Variants in ZIM2 observed in about 807,000 individuals in gnomAD.
The protein encoded by ZIM2 is zinc finger protein 656.
ZIM2 carries 14 observed loss-of-function variants against 38.6 expected under a neutral mutation model. The observed-to-expected ratio is 0.36, with a 90% confidence interval of 0.24 to 0.57. The LOEUF is 0.57. Ranked by LOEUF, ZIM2 falls within the 20% of genes least tolerant of loss-of-function variation. ZIM2 has a pLI of 0.81. For missense variants in ZIM2, 680 were observed against 695.1 expected (o/e 0.98, Z 0.24); for synonymous variants, 247 against 245.8 (o/e 1.00, Z -0.04).
intron 11 of ZIM2, 94 bp downstream of exon 11, chr19:56,781,859 G>T: frequency 6.8e-7 from 1 of 1,474,528 alleles, no homozygotes; most frequent in Non-Finnish European, 9.1e-7. Context: ...TCACTGACAT[G>T]GTGAACCACC....
At chr19:56,784,601 C>T (rs2046499997) in intron 10 of ZIM2, among the ~76,000 whole-genome samples, 1 of 152,100 alleles carries the variant, frequency 6.6e-6, no homozygotes, top group African/African-American at 2.4e-5. Flanking sequence ...ATTGACCCTC[C>T]TTTCTTTTTT....
In ZIM2 at chr19:56,775,105, A is replaced by G. The variant is rs760287695; in HGVS notation, c.1260T>C (p.Gly420=). The G allele has an allele frequency of 6.2e-7, 1 of 1,614,068 alleles. No individual in the cohort carries two copies. The highest frequency in any genetic ancestry group is 1.1e-5 in the South Asian group (1 of 91,070). The part of the protein sequence containing the change: ...SGRKTSGCNE[G]RKPSVQCANL... ...TCGCACACTGGACGGAAGGCTTTCTACCTTCATTGCAGCCAGAAGTCTTCC... is the reference window on the plus strand; with the variant it reads ...TCGCACACTGGACGGAAGGCTTTCTGCCTTCATTGCAGCCAGAAGTCTTCC... Residue 420 remains glycine (G), a synonymous_variant, in exon 13 of 13, where the codon GGT becomes GGC. Transcript: ENST00000629319.
rs116982712 is a variant in ZIM2 at position 56,789,123 on chromosome 19, A to G, written c.570+749T>C. ...TCCTTTAGCTTGGAGGAGTTTGGAT[A>G]AACAACAGTTTTTTACATAAGTATG... On this transcript the variant is annotated intron_variant, in intron 10 of 12. Coordinates refer to ENST00000629319, the MANE Select transcript of ZIM2 (RefSeq NM_001387356.1). Among the ~76,000 whole-genome samples, 351 of 152,176 alleles carry G rather than the reference A, an allele frequency of 2.3e-3. 8 individuals carry two copies. Among genetic ancestry groups the G allele is most frequent in the East Asian group, 8.9e-3 (46 of 5,170 alleles).
At chr19:56,816,590 G>A in intron 9 of ZIM2, 1 of 1,613,932 alleles carries the variant, frequency 6.2e-7, no homozygotes, top group South Asian at 1.1e-5. Context: ...TACATTTTCT[G>A]AAACTCATTA....
At chr19:56,839,434 C>A (rs2062690415) in intron 1 of ZIM2, among the ~76,000 whole-genome samples, 1 of 150,120 alleles carries the variant, frequency 6.7e-6, no homozygotes, top group Admixed American at 6.6e-5. Context: ...AGGGCCTGAA[C>A]AGATCGTCAC....
chr19:56,775,319 G>A lies in ZIM2; in HGVS notation c.1046C>T (p.Pro349Leu), dbSNP rs1210698447. ...EGTAPGICTSPQSASQENKHN... is the reference protein window; with the variant it reads ...EGTAPGICTSLQSASQENKHN... Reference sequence around the variant, plus strand: ...TTTGTTCTCTTGGGATGCTGACTGGGGACTCGTACATATTCCAGGAGCAGT... The same window carrying A: ...TTTGTTCTCTTGGGATGCTGACTGGAGACTCGTACATATTCCAGGAGCAGT... Residue 349 changes from proline (P) to leucine (L), a missense_variant, in exon 13 of 13, where the codon CCC becomes CTC. Coordinates refer to ENST00000629319, the MANE Select transcript of ZIM2 (RefSeq NM_001387356.1). 1 of 1,613,994 alleles carries A rather than the reference G, an allele frequency of 6.2e-7. No homozygotes were observed. Among genetic ancestry groups the A allele is most frequent in the East Asian group, 2.2e-5 (1 of 44,894 alleles).
chr19:56,813,472 C>A (rs2059682095), intron 9 of ZIM2: 4 of 1,392,994 alleles, frequency 2.9e-6, no homozygotes, highest in South Asian at 1.8e-5. Context: ...CATGCAGACA[C>A]TGACATCTGA....
rs750390670 is a variant in ZIM2 at position 56,816,598 on chromosome 19, T to C, written c.490+1148A>G. On this transcript the variant is annotated intron_variant, in intron 9 of 12. Transcript: ENST00000629319. ...TTTACCATACATTTTCTGAAACTCA[T>C]TAAGGGCTGGGCTGGGCCTAAAGGT... 17 of 1,613,874 alleles carry C rather than the reference T, an allele frequency of 1.1e-5. 1 individual carries two copies. In the South Asian group the frequency reaches 1.4e-4, roughly 14 times the overall value.
At chr19:56,783,477 A>G (rs1412918179) in intron 10 of ZIM2, among the ~76,000 whole-genome samples, 1 of 152,238 alleles carries the variant, frequency 6.6e-6, no homozygotes, top group African/African-American at 2.4e-5. Flanking sequence ...ATGCAGCCAA[A>G]AAAAGAACAA....
In ZIM2 at chr19:56,775,003, C is replaced by T. The variant is rs1213901230; in HGVS notation, c.1362G>A (p.Gln454=). ...TGAGATGTTGAAGAAGATGCACATT[C>T]TGGAGAAAAGCTTTGCCGCACTGAA... ...ECFQCGKAFL[Q]NVHLLQHLKA... Residue 454 remains glutamine (Q), a synonymous_variant, in exon 13 of 13, where the codon CAG becomes CAA. Coordinates refer to ENST00000629319, the MANE Select transcript of ZIM2 (RefSeq NM_001387356.1). The T allele has an allele frequency of 1.2e-6, 2 of 1,614,162 alleles. No individual in the cohort carries two copies. Among genetic ancestry groups the T allele is most frequent in the Admixed American group, 1.7e-5 (1 of 60,028 alleles).
At chr19:56,787,979 A>G (rs1161773528) in intron 10 of ZIM2, among the ~76,000 whole-genome samples, 1 of 149,120 alleles carries the variant, frequency 6.7e-6, no homozygotes, top group Non-Finnish European at 1.5e-5. Flanking sequence ...TGTCTATTTG[A>G]TTCTTCTCTC....
Position 56,775,362 on chromosome 19 carries a change from T to A in ZIM2, c.1003A>T (p.Lys335Ter). ...LSKQSKDPLG[K>*]DPQEGTAPGI... ...GGAGCAGTGCCTTCCTGGGGATCCT[T>A]TCCTAGAGGATCCTTTGATTGTTTA... Residue 335 changes from lysine (K) to a stop codon, truncating the protein, a stop_gained, in exon 13 of 13, where the codon AAG becomes TAG. Coordinates refer to ENST00000629319, the MANE Select transcript of ZIM2 (RefSeq NM_001387356.1). LOFTEE classifies it low-confidence loss of function (END_TRUNC). 1 of 1,614,194 alleles carries A rather than the reference T, an allele frequency of 6.2e-7. No individual in the cohort carries two copies. Among genetic ancestry groups the A allele is most frequent in the Non-Finnish European group, 8.5e-7 (1 of 1,180,018 alleles).
chr19:56,813,357 G>A (rs1246312087), intron 9 of ZIM2: 9 of 1,124,822 alleles, frequency 8.0e-6, no homozygotes, highest in Non-Finnish European at 9.8e-6. Context: ...CGTTACACAA[G>A]TGTCATTTAC....
intron 9 of ZIM2, among the ~76,000 whole-genome samples, chr19:56,804,074 C>T (rs1304500816): frequency 6.6e-6 from 1 of 152,222 alleles, no homozygotes; most frequent in East Asian, 1.9e-4. Flanking sequence ...TGGGACTCAT[C>T]CCACCTACTA....
Position 56,814,234 on chromosome 19 carries a change from T to G in ZIM2, c.490+3512A>C. ...TGGCTCAGCAGCCTCCACTTCTGGC[T>G]CGGCAGCCTCCACTTCTGGCTCAGC... On this transcript the variant is annotated intron_variant, in intron 9 of 12. Coordinates refer to ENST00000629319, the MANE Select transcript of ZIM2 (RefSeq NM_001387356.1). The surrounding 1 kb of genome is among the most constrained non-coding windows in gnomAD (Gnocchi z 5.8). The G allele has an allele frequency of 6.2e-7, 1 of 1,612,946 alleles. No individual in the cohort carries two copies. Among genetic ancestry groups the G allele is most frequent in the Non-Finnish European group, 8.5e-7 (1 of 1,179,492 alleles).
intron 9 of ZIM2, among the ~76,000 whole-genome samples, chr19:56,806,809 T>C (rs1291027506): frequency 6.6e-6 from 1 of 152,156 alleles, no homozygotes; most frequent in Non-Finnish European, 1.5e-5. Flanking sequence ...GCAAGGGAGC[T>C]ACCTAGCCTC....
chr19:56,807,305 C>T (rs766468606), intron 9 of ZIM2, among the ~76,000 whole-genome samples: 55 of 152,272 alleles, frequency 3.6e-4, no homozygotes, highest in African/African-American at 1.1e-3. Flanking sequence ...TCCCTTTATG[C>T]GCTTCCTCAT....
At chr19:56,816,689 G>A (rs1256857359) in intron 9 of ZIM2, 2 of 1,614,074 alleles carry the variant, frequency 1.2e-6, no homozygotes, top group Admixed American at 3.3e-5. Flanking sequence ...TCCCCAAAGT[G>A]GATTTTCTGG....
At chr19:56,816,298 C>T in intron 9 of ZIM2, 4 of 1,614,012 alleles carry the variant, frequency 2.5e-6, no homozygotes, top group Non-Finnish European at 3.4e-6. Context: ...ATACCCTCTG[C>T]CTTCAAAGAG....
Sources: gnomAD v4.1 joint callset for allele counts (sites outside exome capture counted in the v4.1 genomes callset) on GRCh38, gnomAD v4.1.1 for gene constraint, Gnocchi (gnomAD v3.1) non-coding constraint, MANE v1.5 for transcripts, NCBI Gene and HGNC (gene_info 2026-07-23, HGNC 2026-07-21) for gene names.